MTHFD2L: variants seen among roughly 807,000 people sequenced by gnomAD.
The protein encoded by MTHFD2L is methylenetetrahydrofolate dehydrogenase (NADP+ dependent) 2 like.
MTHFD2L carries 29 observed loss-of-function variants against 34.9 expected under a neutral mutation model. That is an observed-to-expected ratio of 0.83 (90% CI 0.62 to 1.13). The LOEUF (loss-of-function observed/expected upper bound fraction) is 1.13, where lower values mean the gene tolerates loss of function less well. MTHFD2L is among the 50% of genes most tolerant of loss of function. MTHFD2L has a pLI of 0.00. For synonymous variants in MTHFD2L, 167 were observed against 155.7 expected (o/e 1.07, Z -0.54); for missense variants, 481 against 446.5 (o/e 1.08, Z -0.70).
At chr4:74,229,635 C>T (rs777334114) in intron 6 of MTHFD2L, among the ~76,000 whole-genome samples, 17 of 152,034 alleles carry the variant, frequency 1.1e-4, no homozygotes, top group Non-Finnish European at 1.9e-4. Context: ...TGAATATTAG[C>T]TTATTTAATA....
chr4:74,262,401 GTATA>G (rs199616517), intron 6 of MTHFD2L, among the ~76,000 whole-genome samples: 2 of 151,552 alleles, frequency 1.3e-5, no homozygotes, highest in East Asian at 1.9e-4. Flanking sequence ...AAAGCTGGAG[GTATA>G]TATATATAAT....
At chr4:74,168,068 C>G (rs13136363) in intron 1 of MTHFD2L, among the ~76,000 whole-genome samples, 117,318 of 152,146 alleles carry the variant, frequency 0.77, 50,831 homozygotes, top group Non-Finnish European at 0.95. Context: ...TAGCTGGAGT[C>G]TCCACTTCTC....
chr4:74,169,803 GA>G (rs36062053), intron 1 of MTHFD2L, among the ~76,000 whole-genome samples: 1 of 152,010 alleles, frequency 6.6e-6, no homozygotes, highest in Non-Finnish European at 1.5e-5. Context: ...AGGAAACAGT[GA>G]AAAAAGTTTG....
chr4:74,151,640 T>TG (rs1723946841), intron 1 of MTHFD2L, among the ~76,000 whole-genome samples: 1 of 152,232 alleles, frequency 6.6e-6, no homozygotes, highest in Non-Finnish European at 1.5e-5. Flanking sequence ...CCTTGGCACA[T>TG]AGCAAATTCA....
At chr4:74,245,038 CA>C in intron 6 of MTHFD2L, among the ~76,000 whole-genome samples, 1 of 151,610 alleles carries the variant, frequency 6.6e-6, no homozygotes, top group Middle Eastern at 3.4e-3. Flanking sequence ...ACTAAAAATA[CA>C]AAAAAATTAG....
At chr4:74,172,810 T>C (rs1439534159) in intron 1 of MTHFD2L, among the ~76,000 whole-genome samples, 1 of 152,172 alleles carries the variant, frequency 6.6e-6, no homozygotes, top group Non-Finnish European at 1.5e-5. Flanking sequence ...TGAACTGAGA[T>C]GAATGCAGTG....
intron 1 of MTHFD2L, among the ~76,000 whole-genome samples, chr4:74,139,069 T>C (rs1470642745): frequency 6.6e-6 from 1 of 152,170 alleles, no homozygotes; most frequent in Non-Finnish European, 1.5e-5. Context: ...GCTAGTCCTG[T>C]CTCTCAGCTT....
chr4:74,234,879 T>C (rs1033297538), intron 6 of MTHFD2L, among the ~76,000 whole-genome samples: 5 of 151,766 alleles, frequency 3.3e-5, no homozygotes, highest in Middle Eastern at 3.4e-3. Context: ...GAGAGCATCA[T>C]TGGAGAGGAA....
In MTHFD2L at chr4:74,281,553, A is replaced by C; in HGVS notation, c.931+3A>C. ...AGTTGGAGATGTGGACTTCGAAGGT[A>C]ATAAACCAATATCTTTTGATAGGTG... On this transcript the variant is annotated splice_donor_region_variant and intron_variant, in intron 7 of 7. Transcript: ENST00000325278. 6.2e-7 allele frequency: 1 copy of C among 1,609,708 alleles called. No individual in the cohort carries two copies. Among genetic ancestry groups the C allele is most frequent in the Non-Finnish European group, 8.5e-7 (1 of 1,178,124 alleles).
chr4:74,250,459 C>G (rs551318807), intron 6 of MTHFD2L, among the ~76,000 whole-genome samples: 32 of 152,112 alleles, frequency 2.1e-4, no homozygotes, highest in South Asian at 4.2e-4. Context: ...AATGTAGACT[C>G]CATTAGGGAA....
At chr4:74,117,071 G>A (rs542727344) in intron 2 of MTHFD2L, among the ~76,000 whole-genome samples, 28 of 152,326 alleles carry the variant, frequency 1.8e-4, no homozygotes, top group Admixed American at 1.3e-3. Flanking sequence ...TGATCTTGAG[G>A]CCTCTGTGAT....
Position 74,301,894 on chromosome 4 carries a change from T to C in MTHFD2L, c.*85T>C. On this transcript the variant is annotated 3_prime_UTR_variant, in exon 8 of 8. Coordinates refer to ENST00000325278, the MANE Select transcript of MTHFD2L (RefSeq NM_001144978.3). Reference sequence around the variant, plus strand: ...AAACCTTTATATTTTACTACAAAGCTATTTATTTCTACATGGTATTTATTT... The same window carrying C: ...AAACCTTTATATTTTACTACAAAGCCATTTATTTCTACATGGTATTTATTT... 1.6e-6 allele frequency: 1 copy of C among 643,600 alleles called. No individual in the cohort carries two copies. The highest frequency in any genetic ancestry group is 3.1e-5 in the East Asian group (1 of 31,828). 39.9% of individuals were successfully genotyped at this position (643,600 alleles called of 1,614,324 possible). A position where few individuals can be genotyped will look rare whatever the true frequency, so the allele number is the denominator to read the frequency against.
chr4:74,202,836 A>T (rs992879172), intron 5 of MTHFD2L, among the ~76,000 whole-genome samples: 1 of 152,156 alleles, frequency 6.6e-6, no homozygotes, highest in African/African-American at 2.4e-5. Flanking sequence ...AACCAGAATG[A>T]TAGACACCTA....
At chr4:74,180,377 AG>A (rs1351612826) in intron 3 of MTHFD2L, among the ~76,000 whole-genome samples, 1 of 152,156 alleles carries the variant, frequency 6.6e-6, no homozygotes, top group Non-Finnish European at 1.5e-5. Context: ...GAATGAGTCT[AG>A]TTGATTACAC....
chr4:74,187,205 G>A (rs188728792), intron 3 of MTHFD2L, among the ~76,000 whole-genome samples: 3 of 152,194 alleles, frequency 2.0e-5, no homozygotes, highest in African/African-American at 4.8e-5. Context: ...ACTGGAAATG[G>A]CCAGGAAAAG....
intron 6 of MTHFD2L, among the ~76,000 whole-genome samples, chr4:74,235,407 A>G (rs2110152332): frequency 6.6e-6 from 1 of 152,250 alleles, no homozygotes; most frequent in East Asian, 1.9e-4. Context: ...GCAAAGTTTG[A>G]GAGAAGTAAA....
At chr4:74,277,414 AGATGCCCCATTGTAGTTACTAG>A (rs1746813297) in intron 6 of MTHFD2L, among the ~76,000 whole-genome samples, 1 of 151,942 alleles carries the variant, frequency 6.6e-6, no homozygotes, top group African/African-American at 2.4e-5. Context: ...CTTTATCTCA[AGATGCCCCATTGTAGTTACTAG>A]GATGCCCCAT....
At chr4:74,186,452 A>C (rs897245492) in intron 3 of MTHFD2L, among the ~76,000 whole-genome samples, 2 of 150,822 alleles carry the variant, frequency 1.3e-5, no homozygotes, top group African/African-American at 4.8e-5. Flanking sequence ...AAAAAAAAAA[A>C]AAAAAAACAG....
intron 1 of MTHFD2L, among the ~76,000 whole-genome samples, chr4:74,127,825 C>T (rs1206866926): frequency 6.6e-6 from 1 of 152,072 alleles, no homozygotes; most frequent in East Asian, 1.9e-4. Context: ...AACCTCCATA[C>T]CGTTTTTCAT....
Sources: allele counts gnomAD v4.1 joint callset (sites outside exome capture counted in the v4.1 genomes callset), GRCh38; gene constraint gnomAD v4.1.1; transcripts MANE v1.5; gene names NCBI Gene and HGNC (gene_info 2026-07-23, HGNC 2026-07-21).